CSMD1: variants seen among roughly 807,000 people sequenced by gnomAD.
The protein encoded by CSMD1 is CUB and sushi domain-containing protein 1.
CSMD1 carries 213 observed loss-of-function variants against 417.5 expected under a neutral mutation model. The observed-to-expected ratio is 0.51, with a 90% CI of 0.46 to 0.57. The LOEUF is 0.57. Ranked by LOEUF, CSMD1 falls within the 20% of genes least tolerant of loss-of-function variation. CSMD1 has a pLI of 0.00. For synonymous variants in CSMD1, 2,862 were observed against 1,736.8 expected, an observed-to-expected ratio of 1.65 and a Z score of -16.11; for missense variants, 6,923 against 4,529.7, an observed-to-expected ratio of 1.53 and a Z score of -15.17.
chr8:3,621,260 C>T (rs955971653), intron 7 of CSMD1, among the ~76,000 whole-genome samples: 1 of 152,116 alleles, frequency 6.6e-6, no homozygotes, highest in African/African-American at 2.4e-5. Context: ...CACCCCAAAC[C>T]AAAGACATAG....
chr8:3,658,284 T>C (rs1009267392), intron 7 of CSMD1, among the ~76,000 whole-genome samples: 3 of 152,192 alleles, frequency 2.0e-5, no homozygotes, highest in Admixed American at 1.3e-4. Flanking sequence ...TATCAATGAT[T>C]GTATTTGTGT....
Position 3,795,303 on chromosome 8 carries a change from TATATCTATCATGTACAGATATAG to T in CSMD1, c.819-41284_819-41262del, listed in dbSNP as rs1388370521. Among the ~76,000 whole-genome samples the T allele has an allele frequency of 5.3e-4, 36 of 68,312 alleles. 13 individuals carry two copies. The highest frequency in any genetic ancestry group is 3.1e-3 in the East Asian group (6 of 1,940). 44.8% of individuals were successfully genotyped at this position (68,312 alleles called of 152,430 possible). A position where few individuals can be genotyped will look rare whatever the true frequency, so the allele number is the denominator to read the frequency against. On this transcript the variant is annotated intron_variant, in intron 5 of 69. Coordinates refer to ENST00000635120, the MANE Select transcript of CSMD1 (RefSeq NM_033225.6). ...GATATATATATCATGTACAGATATATATATCTATCATGTACAGATATAGATATCTATCATGTAGATATAGATAT... is the reference window on the plus strand; with the variant it reads ...GATATATATATCATGTACAGATATATATATCTATCATGTAGATATAGATAT...
rs533335705 is a variant in CSMD1, at chr8:3,421,139, A to T, written c.1562-11534T>A. Among the ~76,000 whole-genome samples the T allele has an allele frequency of 4.6e-5, 7 of 152,312 alleles. No individual in the cohort carries two copies. In the East Asian group the frequency reaches 1.2e-3, roughly 25 times the overall value. ...AAAAAATGAAAATTACATCTTTAAC[A>T]TTCTATTAAATTGATGGGCAATTTC... On this transcript the variant is annotated intron_variant, in intron 12 of 69. Transcript: ENST00000635120.
At chr8:3,972,640 C>T (rs190323337) in intron 5 of CSMD1, among the ~76,000 whole-genome samples, 1 of 152,262 alleles carries the variant, frequency 6.6e-6, no homozygotes, top group East Asian at 1.9e-4. Context: ...AGTTAGTTTA[C>T]ATGTGATAGT....
chr8:3,575,332 G>C lies in CSMD1; in HGVS notation c.1223-266C>G, dbSNP rs566664891. Among the ~76,000 whole-genome samples, 315 of 152,218 alleles carry C rather than the reference G, an allele frequency of 2.1e-3. 2 individuals are homozygous for C. Among genetic ancestry groups the C allele is most frequent in the African/African-American group, 6.7e-3 (280 of 41,552 alleles). On this transcript the variant is annotated intron_variant, in intron 9 of 69. Transcript: ENST00000635120. The stretch of plus-strand genomic sequence containing the variant: ...TATCCACTCACCAAAGGATCTAACA[G>C]ATGACAGCCTCATGTGCAATGTCAA...
At chr8:4,694,529 T>C (rs1347253631) in intron 1 of CSMD1, among the ~76,000 whole-genome samples, 2 of 151,718 alleles carry the variant, frequency 1.3e-5, no homozygotes, top group South Asian at 2.1e-4. Context: ...CTAATTTTTT[T>C]TGGGGGGGTA....
intron 3 of CSMD1, among the ~76,000 whole-genome samples, chr8:4,216,421 C>T (rs961539946): frequency 6.6e-6 from 1 of 152,102 alleles, no homozygotes; most frequent in African/African-American, 2.4e-5. Flanking sequence ...AAAATTAATA[C>T]TTATTTGAAG....
At position 3,205,523 on chromosome 8, in the gene CSMD1, G is replaced by A. The variant is rs369196403; in HGVS notation, c.4965C>T (p.Ile1655=). The change falls in exon 31 of 70, where the codon ATC becomes ATT. Residue 1655 remains isoleucine, a synonymous_variant. Coordinates refer to ENST00000635120, the MANE Select transcript of CSMD1 (RefSeq NM_033225.6). ...YTAGQICLYS[I]TVPKEFVVFG... The stretch of plus-strand genomic sequence containing the variant: ...CCTTACCGAATTCCTTTGGTACCGT[G>A]ATGGAATAGAGGCATATTTGACCAG... 6.4e-7 allele frequency: 1 copy of A among 1,569,400 alleles called. No individual in the cohort carries two copies. The highest frequency in any genetic ancestry group is 8.7e-7 in the Non-Finnish European group (1 of 1,145,960).
At chr8:4,411,268 G>C (rs1446246704) in intron 3 of CSMD1, among the ~76,000 whole-genome samples, 1 of 151,934 alleles carries the variant, frequency 6.6e-6, no homozygotes, top group African/African-American at 2.4e-5. Flanking sequence ...TATGAAATGG[G>C]CTCTATGGAG....
At chr8:3,893,206 G>T (rs1008419063) in intron 5 of CSMD1, among the ~76,000 whole-genome samples, 1 of 151,244 alleles carries the variant, frequency 6.6e-6, no homozygotes. Flanking sequence ...CAGAAATAAA[G>T]TGACTAGAAA....
At chr8:4,739,714 C>G (rs1464210090) in intron 1 of CSMD1, among the ~76,000 whole-genome samples, 3 of 152,158 alleles carry the variant, frequency 2.0e-5, no homozygotes, top group African/African-American at 7.2e-5. Flanking sequence ...TAGCACTTTA[C>G]TAGGAGCTCG....
At chr8:3,609,650 C>A (rs1279537142) in intron 8 of CSMD1, among the ~76,000 whole-genome samples, 1 of 151,692 alleles carries the variant, frequency 6.6e-6, no homozygotes, top group Non-Finnish European at 1.5e-5. Context: ...ACAAGGGCTA[C>A]ACTGCAAATG....
intron 7 of CSMD1, among the ~76,000 whole-genome samples, chr8:3,663,948 A>G (rs1373087677): frequency 6.6e-6 from 1 of 152,198 alleles, no homozygotes; most frequent in Non-Finnish European, 1.5e-5. Context: ...GGTTCACAGA[A>G]CCAAGGCTTT....
intron 3 of CSMD1, among the ~76,000 whole-genome samples, chr8:4,065,317 T>C (rs979448181): frequency 1.4e-4 from 21 of 152,214 alleles, no homozygotes; most frequent in Non-Finnish European, 1.2e-4. Context: ...CACTGAACTT[T>C]TACATTTAAC....
intron 2 of CSMD1, among the ~76,000 whole-genome samples, chr8:4,573,191 A>G (rs1798968427): frequency 6.6e-6 from 1 of 152,084 alleles, no homozygotes; most frequent in African/African-American, 2.4e-5. Flanking sequence ...TTTGGAGGAG[A>G]AGAGGCATTC....
chr8:4,960,877 A>G (rs1809431084), intron 1 of CSMD1, among the ~76,000 whole-genome samples: 1 of 152,168 alleles, frequency 6.6e-6, no homozygotes, highest in Admixed American at 6.6e-5. Flanking sequence ...TTATTTTTAA[A>G]AGATTCCTCA....
chr8:3,991,056 C>G (rs544535208), intron 5 of CSMD1, among the ~76,000 whole-genome samples: 2 of 152,202 alleles, frequency 1.3e-5, no homozygotes, highest in African/African-American at 2.4e-5. Flanking sequence ...GGGGCTGCAG[C>G]ATCTTTCCCA....
chr8:4,094,991 G>C (rs1315677642), intron 3 of CSMD1, among the ~76,000 whole-genome samples: 1 of 152,156 alleles, frequency 6.6e-6, no homozygotes, highest in African/African-American at 2.4e-5. Flanking sequence ...GTATTATACA[G>C]GTGGACTAGA....
intron 2 of CSMD1, among the ~76,000 whole-genome samples, chr8:4,601,300 A>G (rs1800566980): frequency 6.6e-6 from 1 of 152,188 alleles, no homozygotes; most frequent in African/African-American, 2.4e-5. Flanking sequence ...GAGTAGAGTG[A>G]CAGCGAAGCA....
Sources: gnomAD v4.1 joint callset for allele counts (sites outside exome capture counted in the v4.1 genomes callset) on GRCh38, gnomAD v4.1.1 for gene constraint, MANE v1.5 for transcripts, NCBI Gene and HGNC (gene_info 2026-07-23, HGNC 2026-07-21) for gene names.